The following TLN2 variants were observed in gnomAD, a reference collection of about 807,000 sequenced individuals.
TLN2 encodes the protein talin 2.
TLN2 carries 118 observed loss-of-function variants against 294.7 expected under a neutral mutation model. That is an observed-to-expected ratio of 0.40 (90% CI 0.34 to 0.47). TLN2 has a LOEUF of 0.47. Among genes scored for constraint, TLN2 ranks in the 20% least tolerant of loss-of-function variants. The pLI is 0.84. For synonymous variants in TLN2, 1,431 were observed against 1,304.5 expected (o/e 1.10, Z -2.09); for missense variants, 3,083 against 3,282.2 (o/e 0.94, Z 1.48).
At chr15:62,597,323 TATTATG>T (rs1422722935) in intron 2 of TLN2, among the ~76,000 whole-genome samples, 1 of 152,200 alleles carries the variant, frequency 6.6e-6, no homozygotes, top group East Asian at 1.9e-4. Context: ...GTATTTCCTC[TATTATG>T]ATTAAGTAGA....
rs752507660 is a variant in TLN2 at position 62,810,043 on chromosome 15, G to T, written c.6771+11G>T. 4.4e-6 allele frequency: 7 copies of T among 1,608,682 alleles called. No individual in the cohort carries two copies. Among genetic ancestry groups the T allele is most frequent in the Non-Finnish European group, 6.0e-6 (7 of 1,175,390 alleles). On this transcript the variant is annotated intron_variant, in intron 52 of 58. Transcript: ENST00000636159. ...GAGCACGTCTTGGTGGTAAGAAAGC[G>T]CATGAGTCAGGGCTGGGGAGTAGCT...
intron 1 of TLN2, among the ~76,000 whole-genome samples, chr15:62,581,913 A>C (rs1230162038): frequency 2.0e-5 from 3 of 151,878 alleles, no homozygotes; most frequent in Non-Finnish European, 4.4e-5. Flanking sequence ...GCGTAGTGGT[A>C]TGAGTCTGTA....
intron 45 of TLN2, among the ~76,000 whole-genome samples, chr15:62,791,195 A>AC (rs1264278849): frequency 6.6e-6 from 1 of 151,504 alleles, no homozygotes; most frequent in Non-Finnish European, 1.5e-5. Context: ...AAAAAAAAAA[A>AC]AATACAAAAA....
intron 1 of TLN2, among the ~76,000 whole-genome samples, chr15:62,401,437 G>A (rs1021883383): frequency 6.6e-6 from 1 of 152,144 alleles, no homozygotes; most frequent in African/African-American, 2.4e-5. Context: ...GTGGAGTGCA[G>A]GAAACAAAGA....
intron 1 of TLN2, among the ~76,000 whole-genome samples, chr15:62,501,358 A>G (rs934187216): frequency 6.6e-6 from 1 of 152,160 alleles, no homozygotes; most frequent in Admixed American, 6.5e-5. Flanking sequence ...GCTGAGGCCA[A>G]GGGCAGGGCT....
At chr15:62,501,608 G>A (rs2039311658) in intron 1 of TLN2, among the ~76,000 whole-genome samples, 1 of 152,158 alleles carries the variant, frequency 6.6e-6, no homozygotes, top group Non-Finnish European at 1.5e-5. Flanking sequence ...AGAATATCTG[G>A]ATTTCAGAAG....
chr15:62,775,497 C>A lies in TLN2; in HGVS notation c.5368-1267C>A, dbSNP rs539719772. On this transcript the variant is annotated intron_variant, in intron 42 of 58. Transcript: ENST00000636159. Reference sequence around the variant, plus strand: ...GTTCTGTGTATCCTGACACCGTTGCCTCAAGGATAACCATCCATGATCAAC... The same window carrying A: ...GTTCTGTGTATCCTGACACCGTTGCATCAAGGATAACCATCCATGATCAAC... Among the ~76,000 whole-genome samples the A allele has an allele frequency of 2.6e-5, 4 of 152,318 alleles. No individual in the cohort carries two copies. In the South Asian group the frequency reaches 8.3e-4, roughly 32 times the overall value.
intron 1 of TLN2, among the ~76,000 whole-genome samples, chr15:62,562,060 A>G (rs901542029): frequency 6.6e-6 from 1 of 152,134 alleles, no homozygotes; most frequent in Non-Finnish European, 1.5e-5. Flanking sequence ...AGAACTGTCC[A>G]TCTTCAAATT....
intron 1 of TLN2, among the ~76,000 whole-genome samples, chr15:62,582,246 A>ACACACCCC (rs764248336): frequency 0.01 from 1,422 of 137,280 alleles, 61 homozygotes; most frequent in South Asian, 0.021. Flanking sequence ...ACACACACAC[A>ACACACCCC]CATTCATGCC....
rs183075866 is a variant in TLN2 at position 62,721,212 on chromosome 15, A to G, written c.2992-1141A>G. ...AATTGACAGATCAAAAAGTTTGTAC[A>G]TTTTAAACTTCATGTTATAACATTG... On this transcript the variant is annotated intron_variant, in intron 25 of 58. Transcript: ENST00000636159. Among the ~76,000 whole-genome samples, 613 of 152,364 alleles carry G rather than the reference A, an allele frequency of 4.0e-3. 3 individuals are homozygous for G. Among genetic ancestry groups the G allele is most frequent in the African/African-American group, 0.014 (588 of 41,594 alleles).
At position 62,630,062 on chromosome 15, in the gene TLN2, G is replaced by A. The variant is rs142171697; in HGVS notation, c.-37+11587G>A. On this transcript the variant is annotated intron_variant, in intron 3 of 58. Transcript: ENST00000636159. The stretch of plus-strand genomic sequence containing the variant: ...TTTTCAGTTGTGTCGTGTATATAAC[G>A]AGCTGCCAGAATGATCATTAGTAAC... Among the ~76,000 whole-genome samples, 342 of 152,104 alleles carry A rather than the reference G, an allele frequency of 2.2e-3. 3 individuals carry two copies. Among genetic ancestry groups the A allele is most frequent in the African/African-American group, 7.6e-3 (315 of 41,516 alleles).
At chr15:62,496,816 A>G (rs1457811124) in intron 1 of TLN2, among the ~76,000 whole-genome samples, 3 of 152,156 alleles carry the variant, frequency 2.0e-5, no homozygotes, top group South Asian at 2.1e-4. Flanking sequence ...TTTGCCTTCT[A>G]TTGTCCATTA....
chr15:62,815,515 T>TC (rs1206448880), intron 52 of TLN2, among the ~76,000 whole-genome samples: 1 of 152,144 alleles, frequency 6.6e-6, no homozygotes, highest in African/African-American at 2.4e-5. Context: ...AGAAAAAGTG[T>TC]CCAGCAATCT....
chr15:62,732,807 T>C (rs937589513), intron 28 of TLN2, among the ~76,000 whole-genome samples: 1 of 152,174 alleles, frequency 6.6e-6, no homozygotes, highest in Admixed American at 6.5e-5. Flanking sequence ...TTTGGCCTTA[T>C]AGCTGAGTGA....
At chr15:62,650,700 T>G (rs553026967) in intron 5 of TLN2, among the ~76,000 whole-genome samples, 1 of 152,336 alleles carries the variant, frequency 6.6e-6, no homozygotes, top group Admixed American at 6.5e-5. Context: ...TTAAACATTT[T>G]GTTCAGCTTA....
chr15:62,630,697 G>A lies in TLN2; in HGVS notation c.-37+12222G>A, dbSNP rs2049718504. Among the ~76,000 whole-genome samples, 4 of 151,398 alleles carry A rather than the reference G, an allele frequency of 2.6e-5. No individual in the cohort carries two copies. The South Asian group carries it at 6.2e-4, about 24-fold the overall frequency. On this transcript the variant is annotated intron_variant, in intron 3 of 58. Transcript: ENST00000636159. ...ATGACCTGGTGATTTGAGTTCCACCGTTACCTTTTTTTTTTGGCTTTCTGA... is the reference window on the plus strand; with the variant it reads ...ATGACCTGGTGATTTGAGTTCCACCATTACCTTTTTTTTTTGGCTTTCTGA...
At chr15:62,740,328 A>C (rs1464600266) in intron 31 of TLN2, 2 of 279,830 alleles carry the variant, frequency 7.1e-6, no homozygotes, top group Non-Finnish European at 6.7e-6. Context: ...CAGCTCGCTC[A>C]CTCTCCTCCC....
At position 62,728,103 on chromosome 15, in the gene TLN2, C is replaced by T. The variant is rs115510497; in HGVS notation, c.3358+914C>T. ...GGAATCAAAAACATCTTCAGCCTCC[C>T]GGATGCTCCCTTGTGCCCCCTCCCA... On this transcript the variant is annotated intron_variant, in intron 28 of 58. Coordinates refer to ENST00000636159, the MANE Select transcript of TLN2 (RefSeq NM_015059.3). 1.9e-3 allele frequency among the ~76,000 whole-genome samples: 293 copies of T among 152,272 alleles called. 1 individual carries two copies. Among genetic ancestry groups the T allele is most frequent in the African/African-American group, 6.4e-3 (267 of 41,558 alleles).
intron 1 of TLN2, among the ~76,000 whole-genome samples, chr15:62,441,078 C>T (rs902041128): frequency 6.6e-6 from 1 of 152,106 alleles, no homozygotes; most frequent in Non-Finnish European, 1.5e-5. Flanking sequence ...AAGCTCATTT[C>T]CTAGTGAAAA....
Sources: allele counts gnomAD v4.1 joint callset (sites outside exome capture counted in the v4.1 genomes callset), GRCh38; gene constraint gnomAD v4.1.1; transcripts MANE v1.5; gene names NCBI Gene and HGNC (gene_info 2026-07-23, HGNC 2026-07-21).